The following ABCA7 variants were observed in gnomAD, a reference collection of about 807,000 sequenced individuals.
The protein encoded by ABCA7 is ATP binding cassette subfamily A member 7, also known as phospholipid-transporting ATPase ABCA7.
Under a neutral mutation model 227.6 loss-of-function variants are expected in ABCA7, and 261 were observed. That is an observed-to-expected ratio of 1.15 (90% CI 1.04 to 1.27). The LOEUF is 1.27. Among genes scored for constraint, ABCA7 ranks in the 50% most tolerant of loss-of-function variants. ABCA7 has a pLI of 0.00. For synonymous variants in ABCA7, 1,488 were observed against 1,279.7 expected, an observed-to-expected ratio of 1.16 and a Z score of -3.47; for missense variants, 3,331 against 2,924.5, an observed-to-expected ratio of 1.14 and a Z score of -3.21.
In ABCA7 at chr19:1,045,060, C is replaced by T; in HGVS notation, c.1274C>T (p.Ala425Val). Reference sequence around the variant, plus strand: ...TCAGAGGCAGCCCTGGTGTCGCGGGCCCTGCAACTGCTCGCGGAACATCGA... The same window carrying T: ...TCAGAGGCAGCCCTGGTGTCGCGGGTCCTGCAACTGCTCGCGGAACATCGA... ...APSEAALVSR[A>V]LQLLAEHRFW... Residue 425 changes from alanine (A) to valine (V), a missense_variant, in exon 12 of 47, where the codon GCC (alanine) becomes GTC (valine). Physicochemically the swap from Ala to Val is moderately conservative, Grantham distance 64 (BLOSUM62 0). Coordinates refer to ENST00000263094, the MANE Select transcript of ABCA7 (RefSeq NM_019112.4). 7.4e-6 allele frequency: 12 copies of T among 1,612,880 alleles called. No homozygotes were observed. Among genetic ancestry groups the T allele is most frequent in the East Asian group, 2.2e-5 (1 of 44,872 alleles).
Position 1,055,328 on chromosome 19 carries a change from C to G in ABCA7, c.4182C>G (p.Thr1394=), listed in dbSNP as rs2042151410. 2 of 1,593,844 alleles carry G rather than the reference C, an allele frequency of 1.3e-6. No individual in the cohort carries two copies. The highest frequency in any genetic ancestry group is 2.2e-5 in the East Asian group (1 of 44,588). ...GRNLSDFLVK[T]YPRLVRQGLK... ...ACCTGTCTGACTTCCTGGTCAAGAC[C>G]TACCCGCGCCTGGTGCGCCAGGGGT... The change falls in exon 30 of 47, where the codon ACC becomes ACG. Residue 1394 remains threonine, a synonymous_variant. Transcript: ENST00000263094.
chr19:1,054,156 A>AC lies in ABCA7; in HGVS notation c.3578-36dup. ...CTGGGGTCCTCCCAGCCACCCCCCC[A>AC]CAGCAGCGTGAGCACTGACCCTCTC... On this transcript the variant is annotated intron_variant, in intron 26 of 46. Coordinates refer to ENST00000263094, the MANE Select transcript of ABCA7 (RefSeq NM_019112.4). The surrounding 1 kb of genome is among the most constrained non-coding windows in gnomAD (Gnocchi z 4.8). 1 of 1,611,902 alleles carries AC rather than the reference A, an allele frequency of 6.2e-7. No homozygotes were observed. The highest frequency in any genetic ancestry group is 1.7e-4 in the Middle Eastern group (1 of 6,048).
At position 1,048,911 on chromosome 19, in the gene ABCA7, T is replaced by A; in HGVS notation, c.2286T>A (p.Pro762=). The A allele has an allele frequency of 6.2e-7, 1 of 1,607,782 alleles. No individual in the cohort carries two copies. Among genetic ancestry groups the A allele is most frequent in the Non-Finnish European group, 8.5e-7 (1 of 1,177,582 alleles). ...EAVCPGQYGI[P]EPWNFPFRRS... is the part of the protein sequence containing the mutation. ...TCCCCGCAGGCCAGTACGGGATCCC[T>A]GAACCATGGAATTTTCCTTTTCGGA... The change falls in exon 17 of 47, where the codon CCT becomes CCA. Residue 762 remains proline (P), a synonymous_variant. Coordinates refer to ENST00000263094, the MANE Select transcript of ABCA7 (RefSeq NM_019112.4).
At position 1,056,069 on chromosome 19, in the gene ABCA7, C is replaced by A. The variant is rs770741604; in HGVS notation, c.4242C>A (p.Tyr1414Ter). 6.3e-7 allele frequency: 1 copy of A among 1,590,286 alleles called. No homozygotes were observed. Among genetic ancestry groups the A allele is most frequent in the East Asian group, 2.2e-5 (1 of 44,570 alleles). The change falls in exon 32 of 47, where the codon TAC (tyrosine) becomes TAA (stop). Residue 1414 changes from tyrosine to a stop codon, truncating the protein, a stop_gained. Transcript: ENST00000263094. LOFTEE classifies it high-confidence loss of function. The surrounding 1 kb of genome is among the most constrained non-coding windows in gnomAD (Gnocchi z 4.3). The part of the protein sequence containing the change: ...KTKKWVNEVR[Y>*]GGFSLGGRDP... ...CCCTGCCTGCATGGCCCCACAGATA[C>A]GGAGGCTTCTCGCTGGGGGGCCGAG...
rs1270564186 is a variant in ABCA7 at position 1,046,350 on chromosome 19, C to T, written c.1566C>T (p.Asn522=). 2 of 1,598,260 alleles carry T rather than the reference C, an allele frequency of 1.3e-6. No individual in the cohort carries two copies. The highest frequency in any genetic ancestry group is 1.7e-6 in the Non-Finnish European group (2 of 1,176,724). ...CCGTCCGCGTGCTCAGCGGCGCCAA[C>T]CCCCGGGCCGGCCTCTACCTGCAGC... ...RAAVRVLSGA[N]PRAGLYLQQM... is the part of the protein sequence containing the mutation. Residue 522 remains asparagine, a synonymous_variant, in exon 13 of 47, where the codon AAC becomes AAT. Coordinates refer to ENST00000263094, the MANE Select transcript of ABCA7 (RefSeq NM_019112.4).
At position 1,055,363 on chromosome 19, in the gene ABCA7, C is replaced by T. The variant is rs200430697; in HGVS notation, c.4205+12C>T. ...CTGGTGCGCCAGGGGTGAGCCATGCCCTGGGACTCAGTTTCCCTGGCTATA... is the reference window on the plus strand; with the variant it reads ...CTGGTGCGCCAGGGGTGAGCCATGCTCTGGGACTCAGTTTCCCTGGCTATA... On this transcript the variant is annotated intron_variant, in intron 30 of 46. Coordinates refer to ENST00000263094, the MANE Select transcript of ABCA7 (RefSeq NM_019112.4). The T allele has an allele frequency of 1.3e-6, 2 of 1,558,482 alleles. No homozygotes were observed. The highest frequency in any genetic ancestry group is 2.3e-5 in the East Asian group (1 of 44,180).
Position 1,051,651 on chromosome 19 carries a change from G to A in ABCA7, c.2962+65G>A, listed in dbSNP as rs747172997. ...TTCTGACAAGGAAGTGCTGGGGATGGGGTTTTGAGGAATGAGTAGGAGTTT... is the reference window on the plus strand; with the variant it reads ...TTCTGACAAGGAAGTGCTGGGGATGAGGTTTTGAGGAATGAGTAGGAGTTT... On this transcript the variant is annotated intron_variant, in intron 21 of 46. Transcript: ENST00000263094. 20 of 1,499,162 alleles carry A rather than the reference G, an allele frequency of 1.3e-5. No individual in the cohort carries two copies. In the Admixed American group the frequency reaches 1.7e-4, roughly 13 times the overall value. 92.9% of individuals were successfully genotyped at this position (1,499,162 alleles called of 1,614,324 possible). A position where few individuals can be genotyped will look rare whatever the true frequency, so the allele number is the denominator to read the frequency against.
rs1179340328 is a variant in ABCA7 at position 1,057,967 on chromosome 19, A to G, written c.4933A>G (p.Ser1645Gly). ...AGCCTCCTTCTTCTTCTCCGTGCCC[A>G]GCACAGCCTATGTGGTGCTCACCTG... ...YPASFFFSVP[S>G]TAYVVLTCIN... The change falls in exon 36 of 47, where the codon AGC becomes GGC. Residue 1645 changes from serine (S) to glycine (G), a missense_variant. Transcript: ENST00000263094. The G allele has an allele frequency of 2.5e-6, 4 of 1,614,018 alleles. No individual in the cohort carries two copies. Among genetic ancestry groups the G allele is most frequent in the Non-Finnish European group, 3.4e-6 (4 of 1,180,010 alleles).
chr19:1,059,188 C>T, intron 40 of ABCA7, 103 bp downstream of exon 40: 5 of 1,240,972 alleles, frequency 4.0e-6, no homozygotes, highest in Non-Finnish European at 5.4e-6. Context: ...TATCCACCAC[C>T]TTTTATTGGG....
chr19:1,057,058 T>C lies in ABCA7; in HGVS notation c.4738T>C (p.Trp1580Arg), dbSNP rs2042317678. The C allele has an allele frequency of 1.2e-6, 2 of 1,613,138 alleles. No homozygotes were observed. Among genetic ancestry groups the C allele is most frequent in the Non-Finnish European group, 1.7e-6 (2 of 1,179,846 alleles). Reference protein sequence around the residue: ...LMGGLSPTLYWLGNFLWDMCN... With the variant: ...LMGGLSPTLYRLGNFLWDMCN... ...GGGGGGCCTGTCCCCCACCCTCTACTGGCTTGGCAACTTTCTCTGGGACAT... is the reference window on the plus strand; with the variant it reads ...GGGGGGCCTGTCCCCCACCCTCTACCGGCTTGGCAACTTTCTCTGGGACAT... The change falls in exon 34 of 47, where the codon TGG (tryptophan) becomes CGG (arginine). Residue 1580 changes from tryptophan (W) to arginine (R), a missense_variant. By Grantham distance (101) the Trp-to-Arg change is moderately radical. Coordinates refer to ENST00000263094, the MANE Select transcript of ABCA7 (RefSeq NM_019112.4).
chr19:1,041,739 T>C, intron 3 of ABCA7, 92 bp from the exon 4 acceptor site: 2 of 1,584,044 alleles, frequency 1.3e-6, no homozygotes, highest in South Asian at 2.2e-5. Flanking sequence ...GAGCTCTCCA[T>C]CGCTGGAGGC....
intron 35 of ABCA7, 49 bp from the exon 36 acceptor site, chr19:1,057,866 G>C: frequency 1.9e-6 from 3 of 1,605,392 alleles, no homozygotes; most frequent in Non-Finnish European, 2.6e-6. Context: ...TTCCTCTCAG[G>C]GCTTCTCAGT....
chr19:1,055,497 C>CT, intron 30 of ABCA7, 146 bp downstream of exon 30: 6 of 775,194 alleles, frequency 7.7e-6, no homozygotes, highest in South Asian at 7.0e-5. Flanking sequence ...CCTTCCTTTC[C>CT]TCTTTTTTTT....
In ABCA7 at chr19:1,053,694, T is replaced by TGG. The variant is rs889345265; in HGVS notation, c.3424-90_3424-89dup. 3 of 1,542,700 alleles carry TGG rather than the reference T, an allele frequency of 1.9e-6. No homozygotes were observed. The African/African-American group carries it at 4.1e-5, about 21-fold the overall frequency. On this transcript the variant is annotated intron_variant, in intron 24 of 46. Transcript: ENST00000263094. Reference sequence around the variant, plus strand: ...GGCTCAGATGTCCCTTGGGAAGGCCTGGGGGACCCATGGTGTAGGAGGGGT... The same window carrying TGG: ...GGCTCAGATGTCCCTTGGGAAGGCCTGGGGGGGACCCATGGTGTAGGAGGGGT...
intron 44 of ABCA7, 89 bp downstream of exon 44, chr19:1,063,952 G>T: frequency 2.1e-6 from 3 of 1,441,286 alleles, no homozygotes; most frequent in Non-Finnish European, 2.8e-6. Context: ...AGGGGATGGG[G>T]GGTCCTGGCC....
Position 1,065,389 on chromosome 19 carries a change from C to G in ABCA7, c.6405C>G (p.Phe2135Leu). 1.2e-6 allele frequency: 2 copies of G among 1,613,566 alleles called. No homozygotes were observed. Among genetic ancestry groups the G allele is most frequent in the Non-Finnish European group, 1.7e-6 (2 of 1,179,986 alleles). The change falls in exon 47 of 47, where the codon TTC (phenylalanine) becomes TTG (leucine). Residue 2135 changes from phenylalanine (F) to leucine (L), a missense_variant. Transcript: ENST00000263094. Reference sequence around the variant, plus strand: ...AGCACCCCAAACGCGTCAGCCAGTTCCTCGATGACCCTAGCACTGCCGAGA... The same window carrying G: ...AGCACCCCAAACGCGTCAGCCAGTTGCTCGATGACCCTAGCACTGCCGAGA... ...GLQHPKRVSQ[F>L]LDDPSTAETV...
At position 1,057,973 on chromosome 19, in the gene ABCA7, G is replaced by A; in HGVS notation, c.4939G>A (p.Ala1647Thr). The change falls in exon 36 of 47, where the codon GCC becomes ACC. Residue 1647 changes from alanine to threonine, a missense_variant. By Grantham distance (58) the Ala-to-Thr change is moderately conservative. Transcript: ENST00000263094. Reference protein sequence around the residue: ...ASFFFSVPSTAYVVLTCINLF... With the variant: ...ASFFFSVPSTTYVVLTCINLF... ...CTTCTTCTTCTCCGTGCCCAGCACAGCCTATGTGGTGCTCACCTGCATAAA... is the reference window on the plus strand; with the variant it reads ...CTTCTTCTTCTCCGTGCCCAGCACAACCTATGTGGTGCTCACCTGCATAAA... 1 of 1,614,062 alleles carries A rather than the reference G, an allele frequency of 6.2e-7. No homozygotes were observed. Among genetic ancestry groups the A allele is most frequent in the Non-Finnish European group, 8.5e-7 (1 of 1,180,016 alleles).
rs1399812796 is a variant in ABCA7 at position 1,063,562 on chromosome 19, G to T, written c.5731G>T (p.Ala1911Ser). 1 of 1,610,644 alleles carries T rather than the reference G, an allele frequency of 6.2e-7. No homozygotes were observed. The highest frequency in any genetic ancestry group is 1.7e-5 in the Admixed American group (1 of 59,996). Residue 1911 changes from alanine (A) to serine (S), a missense_variant, in exon 43 of 47, where the codon GCG becomes TCG. Ala to Ser is a moderately conservative substitution (Grantham distance 99). Coordinates refer to ENST00000263094, the MANE Select transcript of ABCA7 (RefSeq NM_019112.4). ...CCCACAGACCGCTGGCTCGGGCCTG[G>T]CGCGTCTGGGACTCTCATGGTACGC... ...QVAQTAGSGLARLGLSWYADR... is the reference protein window; with the variant it reads ...QVAQTAGSGLSRLGLSWYADR...
chr19:1,064,144 G>C lies in ABCA7; in HGVS notation c.5952-17G>C. ...TGGCCCCGGCCTCACGGAGCTCGTG[G>C]TGCCGGGTCCCGACAGCATGGAGGA... On this transcript the variant is annotated splice_polypyrimidine_tract_variant and intron_variant, in intron 44 of 46. Coordinates refer to ENST00000263094, the MANE Select transcript of ABCA7 (RefSeq NM_019112.4). The C allele has an allele frequency of 6.5e-7, 1 of 1,545,396 alleles. No homozygotes were observed. Among genetic ancestry groups the C allele is most frequent in the Non-Finnish European group, 8.7e-7 (1 of 1,144,894 alleles).
Sources: gnomAD v4.1 joint callset for allele counts on GRCh38, gnomAD v4.1.1 for gene constraint, Gnocchi (gnomAD v3.1) non-coding constraint, MANE v1.5 for transcripts, NCBI Gene and HGNC (gene_info 2026-07-23, HGNC 2026-07-21) for gene names.